GALNT11: variants seen among roughly 807,000 people sequenced by gnomAD.
GALNT11 encodes UDP-GalNAc:polypeptide N-acetylgalactosaminyltransferase 11.
Under a neutral mutation model 72.7 loss-of-function variants are expected in GALNT11, and 47 were observed. The observed-to-expected ratio is 0.65, with a 90% confidence interval of 0.51 to 0.82. The LOEUF (loss-of-function observed/expected upper bound fraction) is 0.82, where lower values mean the gene tolerates loss of function less well. Among genes scored for constraint, GALNT11 ranks in the 40% least tolerant of loss-of-function variants. The pLI, the probability that GALNT11 is intolerant of heterozygous loss-of-function variation, is 0.00. For missense variants in GALNT11, 677 were observed against 778.4 expected (o/e 0.87, Z 1.55); for synonymous variants, 270 against 286.6 (o/e 0.94, Z 0.58).
chr7:152,081,504 C>T (rs1401348208), intron 1 of GALNT11, among the ~76,000 whole-genome samples: 5 of 152,178 alleles, frequency 3.3e-5, no homozygotes, highest in Non-Finnish European at 5.9e-5. Context: ...TAAATATTAA[C>T]AACAGTAGAT....
intron 1 of GALNT11, among the ~76,000 whole-genome samples, chr7:152,080,122 A>G (rs10236146): frequency 0.064 from 9,819 of 152,276 alleles, 1,090 homozygotes; most frequent in African/African-American, 0.23. Context: ...AGGAAAAACT[A>G]TTCTTCAAAT....
intron 1 of GALNT11, among the ~76,000 whole-genome samples, chr7:152,029,060 G>T (rs1297891800): frequency 2.0e-5 from 3 of 152,186 alleles, no homozygotes; most frequent in Non-Finnish European, 4.4e-5. Context: ...AAAGGCGTCT[G>T]ATTTCAGAAG....
At chr7:152,029,036 G>T (rs913731258) in intron 1 of GALNT11, among the ~76,000 whole-genome samples, 1 of 152,184 alleles carries the variant, frequency 6.6e-6, no homozygotes, top group Non-Finnish European at 1.5e-5. Context: ...TCCAGAGGTT[G>T]GTGTAAGAGT....
intron 1 of GALNT11, among the ~76,000 whole-genome samples, chr7:152,036,921 T>C (rs2082607675): frequency 6.6e-6 from 1 of 152,256 alleles, no homozygotes; most frequent in African/African-American, 2.4e-5. Context: ...TGCTCATTTT[T>C]TAATAGGATT....
intron 1 of GALNT11, among the ~76,000 whole-genome samples, chr7:152,037,412 T>C (rs540224511): frequency 5.7e-4 from 86 of 152,208 alleles, no homozygotes; most frequent in Non-Finnish European, 7.2e-4. Context: ...TTCTGTTTCA[T>C]TGGTCTGTGT....
intron 1 of GALNT11, among the ~76,000 whole-genome samples, chr7:152,053,799 G>A (rs2083513414): frequency 6.6e-6 from 1 of 152,176 alleles, no homozygotes; most frequent in African/African-American, 2.4e-5. Context: ...TTTGAGACCA[G>A]CCTGAGCAAC....
chr7:152,095,797 A>T (rs1233333485), intron 2 of GALNT11, among the ~76,000 whole-genome samples: 1 of 152,188 alleles, frequency 6.6e-6, no homozygotes, highest in Non-Finnish European at 1.5e-5. Flanking sequence ...CTTTTGAAAG[A>T]AGTAGTGAGA....
intron 1 of GALNT11, among the ~76,000 whole-genome samples, chr7:152,059,136 C>G (rs1190284563): frequency 2.0e-5 from 3 of 152,210 alleles, no homozygotes; most frequent in Admixed American, 2.0e-4. Context: ...TGCTTTGTCA[C>G]CCAGGCTGGA....
Position 152,094,431 on chromosome 7 carries a change from G to C in GALNT11, c.204G>C (p.Glu68Asp). Residue 68 changes from glutamate (E) to aspartate (D), a missense_variant, in exon 2 of 12, where the codon GAG becomes GAC. By Grantham distance (45) the Glu-to-Asp change is conservative (BLOSUM62 2). Coordinates refer to ENST00000430044, the MANE Select transcript of GALNT11 (RefSeq NM_022087.4). This position sits in a 1 kb window ranked among gnomAD's most constrained non-coding sequence, Gnocchi z 4.3. ...CTCGAGGCCCAAGTCGAGTGCTCGA[G>C]CCACAGTTCAAAGCAAACAAAATTG... ...RFTRGPSRVL[E>D]PQFKANKIDD... 1 of 1,614,186 alleles carries C rather than the reference G, an allele frequency of 6.2e-7. No individual in the cohort carries two copies. The highest frequency in any genetic ancestry group is 8.5e-7 in the Non-Finnish European group (1 of 1,180,036).
At position 152,073,310 on chromosome 7, in the gene GALNT11, C is replaced by T. The variant is rs1410606857; in HGVS notation, c.-38-20880C>T. Among the ~76,000 whole-genome samples the T allele has an allele frequency of 2.0e-5, 3 of 152,306 alleles. No individual in the cohort carries two copies. In the East Asian group the frequency reaches 5.8e-4, roughly 29 times the overall value. ...AATCTCTTCCTATCTCCTCCCTTCG[C>T]CCACCCTTCCCAGCCTCTAGTATCC... On this transcript the variant is annotated intron_variant, in intron 1 of 11. Coordinates refer to ENST00000430044, the MANE Select transcript of GALNT11 (RefSeq NM_022087.4).
intron 1 of GALNT11, among the ~76,000 whole-genome samples, chr7:152,065,033 T>C (rs896263572): frequency 6.6e-6 from 1 of 152,218 alleles, no homozygotes; most frequent in Non-Finnish European, 1.5e-5. Flanking sequence ...TCCTGGATAA[T>C]ATCCTGCAGA....
intron 1 of GALNT11, among the ~76,000 whole-genome samples, chr7:152,040,410 A>T (rs903283489): frequency 6.6e-6 from 1 of 152,222 alleles, no homozygotes; most frequent in African/African-American, 2.4e-5. Context: ...GCATCGCTGG[A>T]TAATAGCTTT....
chr7:152,066,353 AG>A (rs1337864651), intron 1 of GALNT11, among the ~76,000 whole-genome samples: 1 of 152,202 alleles, frequency 6.6e-6, no homozygotes, highest in Admixed American at 6.5e-5. Flanking sequence ...TCCCTTGGCT[AG>A]GAAAGGGAAT....
At chr7:152,032,570 G>A (rs1190120611) in intron 1 of GALNT11, among the ~76,000 whole-genome samples, 1 of 152,222 alleles carries the variant, frequency 6.6e-6, no homozygotes, top group East Asian at 1.9e-4. Context: ...TAAGCCTTGA[G>A]CTTTTACATG....
At chr7:152,054,799 G>A (rs1355718247) in intron 1 of GALNT11, among the ~76,000 whole-genome samples, 3 of 151,938 alleles carry the variant, frequency 2.0e-5, no homozygotes, top group African/African-American at 7.3e-5. Context: ...GACTACAGGC[G>A]TGAGCCACTG....
intron 1 of GALNT11, among the ~76,000 whole-genome samples, chr7:152,027,383 C>T (rs2082072749): frequency 6.6e-6 from 1 of 152,158 alleles, no homozygotes; most frequent in African/African-American, 2.4e-5. Flanking sequence ...AGCATTTATC[C>T]TTTGTTAGTG....
At chr7:152,120,802 C>T (rs1458345825) in intron 10 of GALNT11, 29 bp from the exon 11 acceptor site, 11 of 1,558,646 alleles carry the variant, frequency 7.1e-6, no homozygotes, top group Non-Finnish European at 9.7e-6. Flanking sequence ...AATTCGTTAT[C>T]TAAATTTTAT....
intron 1 of GALNT11, among the ~76,000 whole-genome samples, chr7:152,032,890 A>G (rs1382127930): frequency 2.0e-5 from 3 of 152,220 alleles, no homozygotes; most frequent in Non-Finnish European, 4.4e-5. Flanking sequence ...AAGTCTCCCA[A>G]TTACAACTGA....
chr7:152,058,319 G>A (rs2083804878), intron 1 of GALNT11, among the ~76,000 whole-genome samples: 1 of 151,912 alleles, frequency 6.6e-6, no homozygotes, highest in African/African-American at 2.4e-5. Context: ...TAGGATGGCT[G>A]TGGCAAGTTC....
Sources: allele counts gnomAD v4.1 joint callset (sites outside exome capture counted in the v4.1 genomes callset), GRCh38; gene constraint gnomAD v4.1.1; non-coding constraint Gnocchi (gnomAD v3.1); transcripts MANE v1.5; gene names NCBI Gene and HGNC (gene_info 2026-07-23, HGNC 2026-07-21).